The following INF2 variants were observed in gnomAD, a reference collection of about 807,000 sequenced individuals.
The protein encoded by INF2 is inverted formin-2.
A neutral mutation model predicts 123.5 loss-of-function variants in INF2; 43 were observed. The ratio of observed to expected loss-of-function variants is 0.35; its 90% CI spans 0.27 to 0.45. The LOEUF (loss-of-function observed/expected upper bound fraction) is 0.45. Among genes scored for constraint, INF2 ranks in the 20% least tolerant of loss-of-function variants. INF2 has a pLI of 1.00. For synonymous variants in INF2, 851 were observed against 745.0 expected (o/e 1.14, Z -2.32); for missense variants, 1,453 against 1,682.7 (o/e 0.86, Z 2.39).
Position 104,701,699 on chromosome 14 carries a change from C to T in INF2, c.334C>T (p.Arg112Trp), listed in dbSNP as rs1460629818. ...CTGCGTGCGCGCCGTCATGAACTCG[C>T]GGCAGGGCATCGAGTACATCCTCAG... ...VSCVRAVMNSRQGIEYILSNQ... is the reference protein window; with the variant it reads ...VSCVRAVMNSWQGIEYILSNQ... The change falls in exon 2 of 23, where the codon CGG becomes TGG. Residue 112 changes from arginine (R) to tryptophan (W), a missense_variant. Around this residue, in one of 8 missense-constraint regions of INF2, gnomAD observed 251 missense variants for 349.4 expected, o/e 0.72. Transcript: ENST00000392634. 2.6e-6 allele frequency: 4 copies of T among 1,556,624 alleles called. No homozygotes were observed. Among genetic ancestry groups the T allele is most frequent in the Non-Finnish European group, 2.6e-6 (3 of 1,151,310 alleles).
intron 1 of INF2, among the ~76,000 whole-genome samples, chr14:104,696,431 C>T (rs1439448009): frequency 6.6e-6 from 1 of 152,256 alleles, no homozygotes; most frequent in African/African-American, 2.4e-5. Flanking sequence ...CCTCACCTGC[C>T]TTGAGGCCCC....
intron 6 of INF2, 71 bp from the exon 7 acceptor site, chr14:104,706,839 G>C (rs1889800812): frequency 1.4e-5 from 22 of 1,556,994 alleles, no homozygotes; most frequent in Non-Finnish European, 1.8e-5. Flanking sequence ...CACCCTGGCA[G>C]ACAGGCCACA....
intron 1 of INF2, among the ~76,000 whole-genome samples, chr14:104,682,708 A>G (rs1258312405): frequency 6.6e-6 from 1 of 152,136 alleles, no homozygotes; most frequent in African/African-American, 2.4e-5. Flanking sequence ...GTTCTGTAAG[A>G]ACTGGGGAAT....
At chr14:104,681,295 A>G (rs1201050389) in exon 1 of INF2, 1 of 393,958 alleles carries the variant, frequency 2.5e-6, no homozygotes, top group African/African-American at 2.1e-5. Flanking sequence ...CTCACTGAAT[A>G]AAGCACTGCC....
At chr14:104,711,950 C>T (rs879544328) in intron 16 of INF2, among the ~76,000 whole-genome samples, 4 of 152,196 alleles carry the variant, frequency 2.6e-5, no homozygotes, top group African/African-American at 4.8e-5. Flanking sequence ...GGTCACACCA[C>T]GGGCAGGTCT....
At chr14:104,718,684 G>A in intron 22 of INF2, 111 bp from the exon 23 acceptor site, 1 of 1,546,116 alleles carries the variant, frequency 6.5e-7, no homozygotes, top group East Asian at 2.4e-5. Context: ...GGCACAACCT[G>A]CTGGACAGTG....
intron 2 of INF2, among the ~76,000 whole-genome samples, chr14:104,702,251 C>T (rs1278524481): frequency 1.3e-5 from 2 of 152,136 alleles, no homozygotes; most frequent in African/African-American, 4.8e-5. Flanking sequence ...CCTTCCCTAG[C>T]GCCTCCCTCC....
At position 104,701,597 on chromosome 14, in the gene INF2, C is replaced by G; in HGVS notation, c.232C>G (p.Leu78Val). The change falls in exon 2 of 23, where the codon CTG (leucine) becomes GTG (valine). Residue 78 changes from leucine to valine, a missense_variant. Transcript: ENST00000392634. ...GGAGCAGAGCGGCCTGGACCTGCTG[C>G]TGGAGGCGCTGGCGCGGCTGTCGGG... The part of the protein sequence containing the change: ...FLEQSGLDLL[L>V]EALARLSGRG... 1 of 1,606,060 alleles carries G rather than the reference C, an allele frequency of 6.2e-7. No individual in the cohort carries two copies. Among genetic ancestry groups the G allele is most frequent in the Non-Finnish European group, 8.5e-7 (1 of 1,178,486 alleles).
chr14:104,701,439 C>A lies in INF2; in HGVS notation c.74C>A (p.Pro25His). 6.3e-7 allele frequency: 1 copy of A among 1,595,446 alleles called. No individual in the cohort carries two copies. The highest frequency in any genetic ancestry group is 2.3e-5 in the East Asian group (1 of 43,842). Residue 25 changes from proline to histidine, a missense_variant, in exon 2 of 23, where the codon CCC (proline) becomes CAC (histidine). By Grantham distance (77) the Pro-to-His change is moderately conservative. Coordinates refer to ENST00000392634, the MANE Select transcript of INF2 (RefSeq NM_022489.4). ...KEKLGPQDSDPTEANLESADP... is the reference protein window; with the variant it reads ...KEKLGPQDSDHTEANLESADP... Reference sequence around the variant, plus strand: ...AAGCTGGGGCCACAGGATTCGGACCCCACGGAGGCCAACCTGGAGAGCGCG... The same window carrying A: ...AAGCTGGGGCCACAGGATTCGGACCACACGGAGGCCAACCTGGAGAGCGCG...
rs570166485 is a variant in INF2, at chr14:104,700,995, G to C, written c.-9-362G>C. ...AATGTTCCAGCCAGGGGAGCCTCCC[G>C]CTCCCCCGAGTCCTCCCCAAGCTCA... On this transcript the variant is annotated intron_variant, in intron 1 of 22. Transcript: ENST00000392634. 376 of 421,300 alleles carry C rather than the reference G, an allele frequency of 8.9e-4. 1 individual carries two copies. The highest frequency in any genetic ancestry group is 7.7e-3 in the African/African-American group (354 of 46,256). The allele number at this position is 421,300 out of a possible 1,614,324, so 26.1% of individuals were successfully genotyped here.
chr14:104,699,338 C>A lies in INF2; in HGVS notation c.-9-2019C>A. The stretch of plus-strand genomic sequence containing the variant: ...GCGGGGGAGGAAAGGAGGGTCAGTT[C>A]TGGGGCCTCTTTAGGCAGCAACAGC... On this transcript the variant is annotated intron_variant, in intron 1 of 22. Transcript: ENST00000392634. The surrounding 1 kb of genome is among the most constrained non-coding windows in gnomAD (Gnocchi z 4.7). 1 of 949,048 alleles carries A rather than the reference C, an allele frequency of 1.1e-6. No individual in the cohort carries two copies. Among genetic ancestry groups the A allele is most frequent in the Non-Finnish European group, 1.3e-6 (1 of 797,130 alleles). 58.8% of individuals were successfully genotyped at this position (949,048 alleles called of 1,614,324 possible).
chr14:104,682,155 C>T (rs574602212), intron 1 of INF2, among the ~76,000 whole-genome samples: 12 of 152,114 alleles, frequency 7.9e-5, no homozygotes, highest in East Asian at 1.9e-4. Context: ...ATTTTTAACC[C>T]GTAAGTCTCC....
chr14:104,688,412 C>T (rs1436139585), upstream of INF2, among the ~76,000 whole-genome samples: 1 of 152,246 alleles, frequency 6.6e-6, no homozygotes, highest in East Asian at 1.9e-4. Flanking sequence ...GAAGCTGCAT[C>T]GGGGCTGGGA....
Position 104,718,855 on chromosome 14 carries a change from C to A in INF2, c.*62C>A. On this transcript the variant is annotated 3_prime_UTR_variant, in exon 23 of 23. Coordinates refer to ENST00000392634, the MANE Select transcript of INF2 (RefSeq NM_022489.4). ...CCAGGCCACAGGACATGCTGCCATT[C>A]TGCCAAGAGAGGCTCTTCTGGGGGC... 1.2e-6 allele frequency: 2 copies of A among 1,608,606 alleles called. No individual in the cohort carries two copies. The highest frequency in any genetic ancestry group is 1.7e-6 in the Non-Finnish European group (2 of 1,178,324).
At chr14:104,711,779 G>T in intron 16 of INF2, 80 bp downstream of exon 16, 4 of 1,356,098 alleles carry the variant, frequency 2.9e-6, no homozygotes, top group South Asian at 1.2e-5. Context: ...GTGGCTGCCC[G>T]CCAGGGCTGG....
intron 16 of INF2, 27 bp from the exon 17 acceptor site, chr14:104,712,406 C>T (rs1320679214): frequency 6.2e-7 from 1 of 1,611,718 alleles, no homozygotes; most frequent in Admixed American, 1.7e-5. Flanking sequence ...CCGTTGCTGT[C>T]TCTGCCCGGC....
At chr14:104,702,955 G>A in intron 2 of INF2, 150 bp from the exon 3 acceptor site, 1 of 705,920 alleles carries the variant, frequency 1.4e-6, no homozygotes, top group Admixed American at 2.0e-5. Flanking sequence ...ACCTCGTTGG[G>A]TCCCAGCCCA....
In INF2 at chr14:104,689,672, G is replaced by A; in HGVS notation, c.-77G>A. 1.0e-6 allele frequency: 1 copy of A among 983,282 alleles called. No individual in the cohort carries two copies. The highest frequency in any genetic ancestry group is 1.2e-6 in the Non-Finnish European group (1 of 828,954). 60.9% of individuals were successfully genotyped at this position (983,282 alleles called of 1,614,324 possible). ...GCGCGGCAGTGGGCGCCGGCTGCCC[G>A]CAGCCCCTGACCCGGCCCCGGACGG... is the stretch of plus-strand genomic sequence containing the variant. On this transcript the variant is annotated 5_prime_UTR_variant, in exon 1 of 23. Transcript: ENST00000392634.
intron 4 of INF2, 134 bp downstream of exon 4, chr14:104,703,588 T>C (rs1889635195): frequency 8.1e-7 from 1 of 1,241,370 alleles, no homozygotes; most frequent in African/African-American, 1.5e-5. Context: ...GAAGGCGCCA[T>C]CTCGGGCCTG....
Sources: allele counts gnomAD v4.1 joint callset (sites outside exome capture counted in the v4.1 genomes callset), GRCh38; gene constraint gnomAD v4.1.1; regional missense constraint gnomAD v4.1.1; non-coding constraint Gnocchi (gnomAD v3.1); transcripts MANE v1.5; gene names NCBI Gene and HGNC (gene_info 2026-07-23, HGNC 2026-07-21).